OXCT1: variants seen among roughly 807,000 people sequenced by gnomAD.
OXCT1 encodes succinyl-CoA:3-ketoacid coenzyme A transferase 1, mitochondrial.
Under a neutral mutation model 69.6 loss-of-function variants are expected in OXCT1, and 27 were observed. The ratio of observed to expected loss-of-function variants is 0.39; its 90% confidence interval spans 0.29 to 0.54. The LOEUF (loss-of-function observed/expected upper bound fraction) is 0.54. Among genes scored for constraint, OXCT1 ranks in the 20% least tolerant of loss-of-function variants. OXCT1 has a pLI of 0.72. For missense variants in OXCT1, 437 were observed against 650.2 expected, an observed-to-expected ratio of 0.67 and a Z score of 3.57; for synonymous variants, 202 against 217.8, an observed-to-expected ratio of 0.93 and a Z score of 0.64.
chr5:41,834,499 A>C (rs1376636624), intron 7 of OXCT1, among the ~76,000 whole-genome samples: 3 of 143,640 alleles, frequency 2.1e-5, no homozygotes, highest in Admixed American at 7.1e-5. Flanking sequence ...AAAAAAAAAA[A>C]AAAAACAAAA....
At chr5:41,776,910 C>A (rs1745151609) in intron 13 of OXCT1, among the ~76,000 whole-genome samples, 1 of 152,174 alleles carries the variant, frequency 6.6e-6, no homozygotes, top group African/African-American at 2.4e-5. Flanking sequence ...AAACGATGTT[C>A]TTTGACCATA....
At chr5:41,809,448 C>T (rs918613100) in intron 7 of OXCT1, among the ~76,000 whole-genome samples, 4 of 151,948 alleles carry the variant, frequency 2.6e-5, no homozygotes, top group Non-Finnish European at 4.4e-5. Flanking sequence ...TTTCTAAACC[C>T]TAAAAGCAGT....
intron 14 of OXCT1, among the ~76,000 whole-genome samples, chr5:41,754,509 A>G (rs1743965364): frequency 6.6e-6 from 1 of 152,070 alleles, no homozygotes; most frequent in African/African-American, 2.4e-5. Flanking sequence ...ATATCAAAAC[A>G]TCTCATGTAC....
chr5:41,852,034 GAGT>G (rs1749196272), intron 4 of OXCT1, among the ~76,000 whole-genome samples: 1 of 152,166 alleles, frequency 6.6e-6, no homozygotes. Context: ...GACACCCAGA[GAGT>G]GAGCATGCAT....
At chr5:41,825,240 T>C (rs1747750420) in intron 7 of OXCT1, among the ~76,000 whole-genome samples, 2 of 152,160 alleles carry the variant, frequency 1.3e-5, no homozygotes, top group South Asian at 2.1e-4. Flanking sequence ...ACATGAGTGG[T>C]TGAAGAATCT....
At chr5:41,781,436 CTT>C (rs938186751) in intron 13 of OXCT1, among the ~76,000 whole-genome samples, 1 of 145,050 alleles carries the variant, frequency 6.9e-6, no homozygotes. Context: ...ACAGCTGCTG[CTT>C]TTTTTTTTTT....
At chr5:41,749,505 T>C (rs750325045) in intron 15 of OXCT1, 22 bp downstream of exon 15, 1 of 1,496,892 alleles carries the variant, frequency 6.7e-7, no homozygotes, top group Non-Finnish European at 9.3e-7. Context: ...AACATGGTAA[T>C]AGTAGAAAAA....
intron 13 of OXCT1, among the ~76,000 whole-genome samples, chr5:41,774,415 T>C (rs1284530671): frequency 6.6e-6 from 1 of 152,210 alleles, no homozygotes; most frequent in Non-Finnish European, 1.5e-5. Context: ...GTTCTCTTAT[T>C]AGAGAATTAG....
chr5:41,758,060 T>C (rs185365597), intron 14 of OXCT1, among the ~76,000 whole-genome samples: 175 of 152,202 alleles, frequency 1.1e-3, no homozygotes, highest in African/African-American at 3.4e-3. Flanking sequence ...TAGTGATCTA[T>C]GCAGATGTAA....
At chr5:41,809,254 T>C (rs1396968370) in intron 7 of OXCT1, among the ~76,000 whole-genome samples, 2 of 152,182 alleles carry the variant, frequency 1.3e-5, no homozygotes, top group East Asian at 3.9e-4. Context: ...GGTTTTTGTT[T>C]TCCTTTTACT....
chr5:41,831,215 A>C (rs1748078845), intron 7 of OXCT1, among the ~76,000 whole-genome samples: 1 of 152,226 alleles, frequency 6.6e-6, no homozygotes, highest in South Asian at 2.1e-4. Flanking sequence ...ATGCAATGAA[A>C]AAAGTTTGTC....
intron 5 of OXCT1, among the ~76,000 whole-genome samples, chr5:41,845,040 T>C (rs1031265480): frequency 5.9e-5 from 9 of 151,908 alleles, no homozygotes; most frequent in Non-Finnish European, 7.4e-5. Context: ...CAAAACTCCA[T>C]AGGCTTCCCA....
chr5:41,778,396 G>A (rs1442849333), intron 13 of OXCT1, among the ~76,000 whole-genome samples: 6 of 152,160 alleles, frequency 3.9e-5, no homozygotes, highest in Non-Finnish European at 7.3e-5. Flanking sequence ...GAGAGAGAAC[G>A]GTAAATGTAA....
intron 5 of OXCT1, among the ~76,000 whole-genome samples, chr5:41,846,263 C>T (rs1748900084): frequency 7.0e-6 from 1 of 143,116 alleles, no homozygotes; most frequent in South Asian, 2.4e-4. Context: ...GGATATCTCC[C>T]AATGCTATCC....
chr5:41,816,088 A>G (rs1730499261), intron 7 of OXCT1, among the ~76,000 whole-genome samples: 1 of 152,188 alleles, frequency 6.6e-6, no homozygotes, highest in African/African-American at 2.4e-5. Flanking sequence ...TGAATTCAGC[A>G]TGAGGATGAC....
chr5:41,869,415 T>C (rs1397870777), intron 1 of OXCT1, among the ~76,000 whole-genome samples: 3 of 152,192 alleles, frequency 2.0e-5, no homozygotes, highest in Non-Finnish European at 2.9e-5. Context: ...AATTCGCTCC[T>C]AGGGCTCCAG....
In OXCT1 at chr5:41,807,280, T is replaced by C. The variant is rs188128873; in HGVS notation, c.840+51A>G. 4 of 992,170 alleles carry C rather than the reference T, an allele frequency of 4.0e-6. No homozygotes were observed. In the East Asian group the frequency reaches 7.1e-5, roughly 18 times the overall value. The allele number at this position is 992,170 out of a possible 1,614,324, so 61.5% of individuals were successfully genotyped here. A position where few individuals can be genotyped will look rare whatever the true frequency, so the allele number is the denominator to read the frequency against. ...ATCTCGAATGGCCCCAGGGATGCAC[T>C]ATCTCTGTAACTGGATCCATGAATA... is the stretch of plus-strand genomic sequence containing the variant. On this transcript the variant is annotated intron_variant, in intron 8 of 16. Coordinates refer to ENST00000196371, the MANE Select transcript of OXCT1 (RefSeq NM_000436.4).
chr5:41,773,480 T>C (rs756639859), intron 13 of OXCT1, among the ~76,000 whole-genome samples: 4 of 150,738 alleles, frequency 2.7e-5, no homozygotes, highest in African/African-American at 9.8e-5. Flanking sequence ...ACCTGTAGTA[T>C]GAGCTACTTG....
intron 7 of OXCT1, among the ~76,000 whole-genome samples, chr5:41,828,539 A>G (rs895170881): frequency 2.0e-5 from 3 of 152,212 alleles, no homozygotes; most frequent in Non-Finnish European, 2.9e-5. Flanking sequence ...TATCATATTA[A>G]TGTCAGATCT....
Sources: allele counts gnomAD v4.1 joint callset (sites outside exome capture counted in the v4.1 genomes callset), GRCh38; gene constraint gnomAD v4.1.1; transcripts MANE v1.5; gene names NCBI Gene and HGNC (gene_info 2026-07-23, HGNC 2026-07-21).